The following CTPS2 variants were observed in gnomAD, a reference collection of about 807,000 sequenced individuals.
The protein encoded by CTPS2 is CTP synthase II.
CTPS2 carries 19 observed loss-of-function variants against 46.8 expected under a neutral mutation model. The observed-to-expected ratio is 0.41, with a 90% CI of 0.28 to 0.60. CTPS2 has a LOEUF of 0.60. CTPS2 is among the 20% of genes least tolerant of loss of function. CTPS2 has a pLI of 0.35. For missense variants in CTPS2, 286 were observed against 447.6 expected, an observed-to-expected ratio of 0.64 and a Z score of 3.26; for synonymous variants, 151 against 165.2, an observed-to-expected ratio of 0.91 and a Z score of 0.66.
chrX:16,610,121 TATC>T (rs1410769896), intron 16 of CTPS2, among the ~76,000 whole-genome samples: 1 of 111,191 alleles, frequency 9.0e-6, no homozygotes, highest in East Asian at 2.8e-4. Flanking sequence ...ACCAGCACAA[TATC>T]AACCCATTGG....
Position 16,590,836 on chromosome X carries a change from T to G in CTPS2, c.1718A>C (p.Asp573Ala). 8.3e-7 allele frequency: 1 copy of G among 1,201,241 alleles called. No homozygotes were observed. Among genetic ancestry groups the G allele is most frequent in the Non-Finnish European group, 1.1e-6 (1 of 886,575 alleles). Reference sequence around the variant, plus strand: ...AGCTATCCTTGGCTCTGAAAAGCTGTCATCACTGGCATCACTGTATCTATC... The same window carrying G: ...AGCTATCCTTGGCTCTGAAAAGCTGGCATCACTGGCATCACTGTATCTATC... ...SSDRYSDASD[D>A]SFSEPRIAEL... is the part of the protein sequence containing the mutation. The change falls in exon 18 of 19, where the codon GAC (aspartate) becomes GCC (alanine). Residue 573 changes from aspartate (D) to alanine (A), a missense_variant. Asp to Ala is a moderately radical substitution (Grantham distance 126). Coordinates refer to ENST00000359276, the MANE Select transcript of CTPS2 (RefSeq NM_175859.3).
chrX:16,661,090 C>G (rs1323542071), intron 13 of CTPS2, among the ~76,000 whole-genome samples: 1 of 110,803 alleles, frequency 9.0e-6, no homozygotes, highest in Non-Finnish European at 1.9e-5. Context: ...CTCCCAGTAG[C>G]TGGGATTACA....
chrX:16,592,056 T>G (rs763940380), intron 17 of CTPS2, among the ~76,000 whole-genome samples: 1 of 110,767 alleles, frequency 9.0e-6, no homozygotes, highest in Non-Finnish European at 1.9e-5. Context: ...TTAAATAAAT[T>G]TGTATGCTTT....
intron 4 of CTPS2, among the ~76,000 whole-genome samples, 198 bp downstream of exon 4, chrX:16,698,034 TTGTC>T (rs1192874369): frequency 1.8e-5 from 2 of 111,018 alleles, no homozygotes; most frequent in Admixed American, 9.7e-5. Flanking sequence ...GTAGGTGTGA[TTGTC>T]TGTCTAATGC....
chrX:16,595,940 G>A (rs758080073), intron 17 of CTPS2, among the ~76,000 whole-genome samples: 69 of 112,601 alleles, frequency 6.1e-4, no homozygotes, highest in Non-Finnish European at 8.8e-4. Context: ...CACGATCACA[G>A]CTTACTGCAG....
At chrX:16,692,176 G>A (rs769253452) in intron 6 of CTPS2, among the ~76,000 whole-genome samples, 303 of 111,011 alleles carry the variant, frequency 2.7e-3, no homozygotes, top group African/African-American at 9.1e-3. Context: ...GCAGCGGACT[G>A]GGCGTGGTGC....
At chrX:16,663,258 C>A (rs1414720178) in intron 13 of CTPS2, among the ~76,000 whole-genome samples, 1 of 111,360 alleles carries the variant, frequency 9.0e-6, no homozygotes, top group Non-Finnish European at 1.9e-5. Flanking sequence ...GTGATCCTCC[C>A]CCTCAGCCTC....
At chrX:16,667,823 G>T in intron 11 of CTPS2, 99 bp from the exon 12 acceptor site, 1 of 752,820 alleles carries the variant, frequency 1.3e-6, no homozygotes, top group Non-Finnish European at 2.0e-6. Flanking sequence ...TATCTAGAAT[G>T]CAGACTCCCA....
intron 17 of CTPS2, among the ~76,000 whole-genome samples, chrX:16,595,150 T>C: frequency 9.9e-6 from 1 of 101,022 alleles, no homozygotes. Flanking sequence ...CCTATCTTTT[T>C]CAGCAATCTT....
intron 13 of CTPS2, among the ~76,000 whole-genome samples, chrX:16,652,818 C>A (rs902558751): frequency 6.3e-5 from 7 of 111,746 alleles, no homozygotes; most frequent in Admixed American, 1.9e-4. Context: ...TTCCACCATA[C>A]TCTGTTTACA....
intron 15 of CTPS2, among the ~76,000 whole-genome samples, chrX:16,617,702 G>C (rs1930606599): frequency 1.8e-5 from 2 of 112,135 alleles, no homozygotes; most frequent in South Asian, 7.3e-4. Context: ...CTTGGAGCAA[G>C]TTTTCTACTA....
chrX:16,675,087 G>GA (rs1922156263), intron 10 of CTPS2, among the ~76,000 whole-genome samples: 1 of 109,287 alleles, frequency 9.2e-6, no homozygotes, highest in Non-Finnish European at 1.9e-5. Flanking sequence ...CCAACATGGT[G>GA]AAACCCCATC....
intron 17 of CTPS2, among the ~76,000 whole-genome samples, chrX:16,609,281 CAA>C (rs1346680197): frequency 2.7e-5 from 3 of 111,299 alleles, no homozygotes; most frequent in Non-Finnish European, 5.7e-5. Flanking sequence ...AAAGAATCAA[CAA>C]AAGACAATCT....
intron 2 of CTPS2, among the ~76,000 whole-genome samples, chrX:16,702,497 G>A (rs1289907198): frequency 1.8e-5 from 2 of 112,405 alleles, no homozygotes; most frequent in Non-Finnish European, 3.8e-5. Flanking sequence ...CTACCTTTAT[G>A]TTAAAAATAA....
intron 7 of CTPS2, among the ~76,000 whole-genome samples, chrX:16,691,091 C>T (rs1253819575): frequency 1.8e-5 from 2 of 112,202 alleles, no homozygotes; most frequent in African/African-American, 6.5e-5. Context: ...CTGAGGCGGG[C>T]GGATCATCTG....
chrX:16,638,784 A>C, intron 14 of CTPS2: 1 of 367,988 alleles, frequency 2.7e-6, no homozygotes, highest in Non-Finnish European at 5.4e-6. Context: ...TTCAAATGTA[A>C]TGGAGAGAAC....
At chrX:16,701,133 C>T (rs1044830962) in intron 2 of CTPS2, among the ~76,000 whole-genome samples, 1 of 112,217 alleles carries the variant, frequency 8.9e-6, no homozygotes, top group African/African-American at 3.2e-5. Context: ...CAATCTACCA[C>T]AGACTTGAAT....
intron 14 of CTPS2, among the ~76,000 whole-genome samples, chrX:16,621,596 C>T (rs1930843304): frequency 9.1e-6 from 1 of 110,047 alleles, no homozygotes; most frequent in African/African-American, 3.3e-5. Flanking sequence ...GCCCTCAAAA[C>T]GCAGATCCCA....
At chrX:16,633,423 G>GA (rs1358851219) in intron 14 of CTPS2, among the ~76,000 whole-genome samples, 1 of 111,349 alleles carries the variant, frequency 9.0e-6, no homozygotes, top group Non-Finnish European at 1.9e-5. Flanking sequence ...TAAATTGGTT[G>GA]AAAAAATTAA....
Sources: gnomAD v4.1 joint callset for allele counts (sites outside exome capture counted in the v4.1 genomes callset) on GRCh38, gnomAD v4.1.1 for gene constraint, MANE v1.5 for transcripts, NCBI Gene and HGNC (gene_info 2026-07-23, HGNC 2026-07-21) for gene names.